Variants in ZNF292 observed in about 807,000 individuals in gnomAD.
The protein encoded by ZNF292 is 16 zinc-finger domain protein.
Under a neutral mutation model 217.9 loss-of-function variants are expected in ZNF292, and 26 were observed. That is an observed-to-expected ratio of 0.12 (90% CI 0.09 to 0.17). ZNF292 has a LOEUF of 0.17. Ranked by LOEUF, ZNF292 falls within the 10% of genes least tolerant of loss-of-function variation. The pLI is 1.00. For synonymous variants in ZNF292, 1,257 were observed against 1,124.1 expected (o/e 1.12, Z -2.37); for missense variants, 2,904 against 3,175.2 (o/e 0.91, Z 2.05).
Position 87,256,935 on chromosome 6 carries a change from C to T in ZNF292, c.3306C>T (p.Val1102=), listed in dbSNP as rs148022980. ...CAGTTCAGAAATTCAGCTGCCAGGT[C>T]GAGGGATGTACTCGAACCTATAATT... ...KAPVQKFSCQ[V]EGCTRTYNSS... Residue 1102 remains valine, a synonymous_variant, in exon 8 of 8, where the codon GTC becomes GTT. Transcript: ENST00000369577. 17 of 1,613,698 alleles carry T rather than the reference C, an allele frequency of 1.1e-5. No individual in the cohort carries two copies. The East Asian group carries it at 1.1e-4, about 11-fold the overall frequency.
At position 87,155,681 on chromosome 6, in the gene ZNF292, G is replaced by A. The variant is rs754474856; in HGVS notation, c.90G>A (p.Gln30=). 2.8e-5 allele frequency: 45 copies of A among 1,589,268 alleles called. No homozygotes were observed. In the South Asian group the frequency reaches 4.9e-4, roughly 17 times the overall value. ...TGCAGCGCCTGGGCGAGCGGCTCCA[G>A]GAGCTGGAGCTACAGCTGCGGGAGA... ...AELQRLGERL[Q]ELELQLRESR... The change falls in exon 1 of 8, where the codon CAG becomes CAA. Residue 30 remains glutamine, a synonymous_variant. Transcript: ENST00000369577.
intron 4 of ZNF292, 121 bp from the exon 5 acceptor site, chr6:87,233,202 AAT>A: frequency 1.5e-6 from 1 of 670,924 alleles, no homozygotes; most frequent in South Asian, 2.2e-5. Context: ...CCTTACTAGC[AAT>A]AATAGAAAAT....
chr6:87,259,121 C>T lies in ZNF292; in HGVS notation c.5492C>T (p.Ser1831Leu). 6.2e-7 allele frequency: 1 copy of T among 1,613,242 alleles called. No homozygotes were observed. Among genetic ancestry groups the T allele is most frequent in the Non-Finnish European group, 8.5e-7 (1 of 1,179,594 alleles). ...TKSNIPQSEVSHKEDQIQEIL... is the reference protein window; with the variant it reads ...TKSNIPQSEVLHKEDQIQEIL... ...AGTAACATTCCTCAGTCTGAAGTAT[C>T]ACATAAGGAGGATCAAATACAGGAA... The change falls in exon 8 of 8, where the codon TCA (serine) becomes TTA (leucine). Residue 1831 changes from serine (S) to leucine (L), a missense_variant. By Grantham distance (145) the Ser-to-Leu change is moderately radical. Transcript: ENST00000369577.
At chr6:87,240,327 C>CAGAGGGAGACCGTGGAAAGAGAGGG (rs993916288) in intron 5 of ZNF292, among the ~76,000 whole-genome samples, 1 of 129,974 alleles carries the variant, frequency 7.7e-6, no homozygotes. Context: ...AGCTCGGCAT[C>CAGAGGGAGACCGTGGAAAGAGAGGG]AGAGGGAGAC....
intron 1 of ZNF292, among the ~76,000 whole-genome samples, chr6:87,159,467 A>G (rs2127767861): frequency 6.9e-6 from 1 of 145,480 alleles, no homozygotes; most frequent in South Asian, 2.2e-4. Context: ...GGCTCAAGTG[A>G]TCCTCCTGTC....
Position 87,256,377 on chromosome 6 carries a change from A to T in ZNF292, c.2748A>T (p.Pro916=), listed in dbSNP as rs745334064. The T allele has an allele frequency of 4.3e-6, 7 of 1,609,666 alleles. No individual in the cohort carries two copies. The highest frequency in any genetic ancestry group is 1.7e-5 in the Admixed American group (1 of 59,974). Reference sequence around the variant, plus strand: ...CTGAGCTCAGGCAAGCTAATGGACCATTGTCAAATGGTTTGGAAAACCCTG... The same window carrying T: ...CTGAGCTCAGGCAAGCTAATGGACCTTTGTCAAATGGTTTGGAAAACCCTG... ...SASELRQANG[P]LSNGLENPAT... is the part of the protein sequence containing the mutation. Residue 916 remains proline (P), a synonymous_variant, in exon 8 of 8, where the codon CCA becomes CCT. Transcript: ENST00000369577.
chr6:87,247,065 G>A (rs1774628196), intron 7 of ZNF292, among the ~76,000 whole-genome samples: 1 of 151,852 alleles, frequency 6.6e-6, no homozygotes, highest in Non-Finnish European at 1.5e-5. Context: ...TGAGACACAG[G>A]AATCGCTTGA....
intron 1 of ZNF292, among the ~76,000 whole-genome samples, chr6:87,210,185 A>C (rs1290714475): frequency 1.3e-5 from 2 of 152,160 alleles, no homozygotes; most frequent in Non-Finnish European, 2.9e-5. Context: ...ATGAGAAATA[A>C]ACTTAAGAGC....
intron 3 of ZNF292, 74 bp downstream of exon 3, chr6:87,216,451 C>T (rs763503554): frequency 5.6e-5 from 62 of 1,114,804 alleles, no homozygotes; most frequent in Non-Finnish European, 7.4e-5. Flanking sequence ...AAAAATTATT[C>T]AGTTAAACTT....
chr6:87,203,442 G>A (rs1277092460), intron 1 of ZNF292, among the ~76,000 whole-genome samples: 3 of 151,940 alleles, frequency 2.0e-5, no homozygotes, highest in African/African-American at 2.4e-5. Flanking sequence ...TGTGCTGAGC[G>A]ATTTTCCTAA....
intron 1 of ZNF292, among the ~76,000 whole-genome samples, chr6:87,199,963 A>C (rs1355115658): frequency 1.3e-5 from 2 of 152,206 alleles, no homozygotes; most frequent in Non-Finnish European, 1.5e-5. Context: ...CCCATGATAG[A>C]CATACACAGT....
At chr6:87,253,096 A>G (rs1026570048) in intron 7 of ZNF292, among the ~76,000 whole-genome samples, 31 of 149,184 alleles carry the variant, frequency 2.1e-4, no homozygotes, top group Non-Finnish European at 3.4e-4. Context: ...TTTTTTTGAT[A>G]GAGATGAGGT....
chr6:87,175,539 AT>A (rs1475539645), intron 1 of ZNF292, among the ~76,000 whole-genome samples: 1 of 152,060 alleles, frequency 6.6e-6, no homozygotes, highest in Non-Finnish European at 1.5e-5. Flanking sequence ...GTGTCTCACT[AT>A]GTTGCCCAGG....
At chr6:87,179,049 G>C (rs1582386390) in intron 1 of ZNF292, among the ~76,000 whole-genome samples, 1 of 151,834 alleles carries the variant, frequency 6.6e-6, no homozygotes, top group Non-Finnish European at 1.5e-5. Flanking sequence ...ATGAACTATA[G>C]TGATAGCAAT....
chr6:87,216,629 CAAAA>C (rs1258525045), intron 3 of ZNF292, among the ~76,000 whole-genome samples: 1 of 151,896 alleles, frequency 6.6e-6, no homozygotes, highest in African/African-American at 2.4e-5. Flanking sequence ...CAAGGGAACA[CAAAA>C]GAAAGTGCCC....
chr6:87,257,433 A>G lies in ZNF292; in HGVS notation c.3804A>G (p.Glu1268=). Residue 1268 remains glutamate (E), a synonymous_variant, in exon 8 of 8, where the codon GAA becomes GAG. Transcript: ENST00000369577. ...GSDPFLPLPA[E]SSSMSLFPSP... is the part of the protein sequence containing the mutation. ...ATCCTTTCCTTCCTTTACCTGCAGA[A>G]AGTAGTTCAATGTCTCTCTTCCCTT... 1 of 1,613,566 alleles carries G rather than the reference A, an allele frequency of 6.2e-7. No homozygotes were observed. The highest frequency in any genetic ancestry group is 8.5e-7 in the Non-Finnish European group (1 of 1,179,750).
In ZNF292 at chr6:87,155,721, G is replaced by T. The variant is rs1191760303; in HGVS notation, c.130G>T (p.Val44Leu). The T allele has an allele frequency of 6.3e-7, 1 of 1,599,016 alleles. No homozygotes were observed. Among genetic ancestry groups the T allele is most frequent in the Admixed American group, 1.7e-5 (1 of 58,474 alleles). Residue 44 changes from valine to leucine, a missense_variant, in exon 1 of 8, where the codon GTG becomes TTG. Coordinates refer to ENST00000369577, the MANE Select transcript of ZNF292 (RefSeq NM_015021.3). ...GCTGCGGGAGAGCCGGGTACCGGCC[G>T]TGGAAGCGGCCACCGACTACTGTCA... ...LQLRESRVPA[V>L]EAATDYCQQL...
intron 1 of ZNF292, among the ~76,000 whole-genome samples, chr6:87,213,285 G>A (rs1236536024): frequency 1.3e-5 from 2 of 152,086 alleles, no homozygotes; most frequent in Non-Finnish European, 2.9e-5. Flanking sequence ...GCTTATTCCC[G>A]GTGCCACAAA....
rs200594602 is a variant in ZNF292, at chr6:87,260,929, C to A, written c.7300C>A (p.Gln2434Lys). The change falls in exon 8 of 8, where the codon CAA becomes AAA. Residue 2434 changes from glutamine (Q) to lysine (K), a missense_variant. Physicochemically the swap from Gln to Lys is moderately conservative, Grantham distance 53. Around this residue, in one of 15 missense-constraint regions of ZNF292, gnomAD observed 380 missense variants for 355.3 expected, o/e 1.07. Coordinates refer to ENST00000369577, the MANE Select transcript of ZNF292 (RefSeq NM_015021.3). The part of the protein sequence containing the change: ...LIVFKRCCNS[Q>K]VKETSEQEGA... ...TGTATTCAAACGGTGTTGCAACTCA[C>A]AAGTAAAGGAAACGTCTGAGCAAGA... 15 of 1,610,968 alleles carry A rather than the reference C, an allele frequency of 9.3e-6. No homozygotes were observed. Among genetic ancestry groups the A allele is most frequent in the Non-Finnish European group, 1.2e-5 (14 of 1,178,458 alleles).
Sources: gnomAD v4.1 joint callset for allele counts (sites outside exome capture counted in the v4.1 genomes callset) on GRCh38, gnomAD v4.1.1 for gene constraint, gnomAD v4.1.1 regional missense constraint, MANE v1.5 for transcripts, NCBI Gene and HGNC (gene_info 2026-07-23, HGNC 2026-07-21) for gene names.